Variants in DNM3 observed in about 807,000 individuals in gnomAD.
The protein encoded by DNM3 is dynamin 3.
Under a neutral mutation model 101.6 loss-of-function variants are expected in DNM3, and 47 were observed. That is an observed-to-expected ratio of 0.46 (90% CI 0.37 to 0.59). DNM3 has a LOEUF of 0.59. Among genes scored for constraint, DNM3 ranks in the 20% least tolerant of loss-of-function variants. The pLI is 0.00. For synonymous variants in DNM3, 385 were observed against 387.9 expected, an observed-to-expected ratio of 0.99 and a Z score of 0.09; for missense variants, 849 against 1,085.7, an observed-to-expected ratio of 0.78 and a Z score of 3.06.
At chr1:172,163,464 T>C (rs985547215) in intron 14 of DNM3, among the ~76,000 whole-genome samples, 2 of 152,010 alleles carry the variant, frequency 1.3e-5, no homozygotes, top group African/African-American at 4.8e-5. Context: ...GGTCTCAATC[T>C]CTTGACCTCG....
chr1:172,029,963 T>C (rs952916656), intron 4 of DNM3, among the ~76,000 whole-genome samples: 2 of 152,210 alleles, frequency 1.3e-5, no homozygotes, highest in Admixed American at 1.3e-4. Flanking sequence ...ATCAATATCA[T>C]GAAAATGGCC....
intron 12 of DNM3, among the ~76,000 whole-genome samples, chr1:172,088,150 C>T (rs1018108155): frequency 6.6e-6 from 1 of 152,032 alleles, no homozygotes; most frequent in Non-Finnish European, 1.5e-5. Context: ...GTAGAAATAC[C>T]AAGATTGATG....
intron 14 of DNM3, among the ~76,000 whole-genome samples, chr1:172,236,635 AG>A (rs1399186591): frequency 2.0e-5 from 3 of 152,016 alleles, no homozygotes; most frequent in Non-Finnish European, 4.4e-5. Flanking sequence ...GGGAAGAAGA[AG>A]GGGGTAGAGA....
chr1:172,091,748 C>T (rs1470097009), intron 12 of DNM3, among the ~76,000 whole-genome samples: 2 of 152,044 alleles, frequency 1.3e-5, no homozygotes, highest in South Asian at 2.1e-4. Context: ...TACACGGTTT[C>T]GAGCAGAAGA....
intron 14 of DNM3, among the ~76,000 whole-genome samples, chr1:172,207,038 T>A (rs549131059): frequency 6.6e-6 from 1 of 152,126 alleles, no homozygotes; most frequent in African/African-American, 2.4e-5. Flanking sequence ...TGCTCAGGAT[T>A]TCTTAAGGAG....
intron 17 of DNM3, among the ~76,000 whole-genome samples, chr1:172,331,211 A>G (rs899166072): frequency 2.0e-5 from 3 of 152,126 alleles, no homozygotes; most frequent in Admixed American, 6.6e-5. Flanking sequence ...GTTGACTACT[A>G]TGACTGTGTT....
intron 1 of DNM3, among the ~76,000 whole-genome samples, chr1:171,893,463 T>A (rs2037478819): frequency 6.6e-6 from 1 of 151,900 alleles, no homozygotes; most frequent in South Asian, 2.1e-4. Flanking sequence ...CTTTTTTTTT[T>A]TGTCTTTTGA....
rs1250890857 is a variant in DNM3, at chr1:172,253,488, GTCTCTCCTC to G, written c.1660-82_1660-74del. Reference sequence around the variant, plus strand: ...GATCTTTTATTAAAGTCAATTTTCTGTCTCTCCTCTCCTCTCCTCTCCTCTCCTCTCCTC... The same window carrying G: ...GATCTTTTATTAAAGTCAATTTTCTGTCCTCTCCTCTCCTCTCCTCTCCTC... On this transcript the variant is annotated intron_variant, in intron 14 of 20. Transcript: ENST00000627582. 24 of 843,874 alleles carry G rather than the reference GTCTCTCCTC, an allele frequency of 2.8e-5. No individual in the cohort carries two copies. In the South Asian group the frequency reaches 4.3e-4, roughly 15 times the overall value. 52.3% of individuals were successfully genotyped at this position (843,874 alleles called of 1,614,324 possible).
chr1:172,298,650 G>A (rs1454908851), intron 15 of DNM3, among the ~76,000 whole-genome samples: 1 of 152,100 alleles, frequency 6.6e-6, no homozygotes, highest in Non-Finnish European at 1.5e-5. Flanking sequence ...TTTGAACTGA[G>A]TAAGAAGTGG....
At chr1:172,364,526 C>CA (rs1473888619) in intron 17 of DNM3, among the ~76,000 whole-genome samples, 1 of 150,274 alleles carries the variant, frequency 6.7e-6, no homozygotes, top group Non-Finnish European at 1.5e-5. Flanking sequence ...ATCTATAGGA[C>CA]AAAAAAAAAT....
chr1:172,000,406 C>T (rs971039567), intron 4 of DNM3, among the ~76,000 whole-genome samples: 2 of 152,070 alleles, frequency 1.3e-5, no homozygotes, highest in Non-Finnish European at 2.9e-5. Flanking sequence ...AAAGACAGAG[C>T]ACCCATATTT....
chr1:171,947,683 C>A (rs974131089), intron 2 of DNM3, among the ~76,000 whole-genome samples: 3 of 151,696 alleles, frequency 2.0e-5, no homozygotes, highest in Non-Finnish European at 4.4e-5. Flanking sequence ...TTGCTTTGGC[C>A]CCACCCTGCC....
At chr1:172,155,467 G>A (rs1305364488) in intron 14 of DNM3, among the ~76,000 whole-genome samples, 1 of 152,010 alleles carries the variant, frequency 6.6e-6, no homozygotes, top group Non-Finnish European at 1.5e-5. Context: ...TTAATATGGT[G>A]CTTGTTTGTA....
At chr1:172,396,021 G>A (rs527551530) in intron 20 of DNM3, among the ~76,000 whole-genome samples, 6 of 152,238 alleles carry the variant, frequency 3.9e-5, no homozygotes, top group Admixed American at 6.5e-5. Flanking sequence ...GTCTAAAGCC[G>A]CTAGGTATTT....
Position 172,412,172 on chromosome 1 carries a change from T to C in DNM3, c.*4331T>C. The C allele has an allele frequency of 1.0e-6, 1 of 985,808 alleles. No homozygotes were observed. Among genetic ancestry groups the C allele is most frequent in the Non-Finnish European group, 1.2e-6 (1 of 829,902 alleles). 61.1% of individuals were successfully genotyped at this position (985,808 alleles called of 1,614,324 possible). A position where few individuals can be genotyped will look rare whatever the true frequency, so the allele number is the denominator to read the frequency against. ...TGGTATATTGGTGAGACTTCTCACT[T>C]CTGGTTGGAGGTTTCACATATGGCT... On this transcript the variant is annotated 3_prime_UTR_variant, in exon 21 of 21. Coordinates refer to ENST00000627582, the MANE Select transcript of DNM3 (RefSeq NM_015569.5).
chr1:172,130,242 T>G (rs966945092), intron 13 of DNM3, among the ~76,000 whole-genome samples: 4 of 152,192 alleles, frequency 2.6e-5, no homozygotes, highest in Admixed American at 6.5e-5. Context: ...TGTAGGACAG[T>G]TTTTGACCTT....
chr1:172,283,759 C>CAAAAA (rs769812358), intron 15 of DNM3, among the ~76,000 whole-genome samples: 1 of 40,226 alleles, frequency 2.5e-5, no homozygotes, highest in Non-Finnish European at 6.0e-5. Flanking sequence ...GACTCCATCT[C>CAAAAA]AAAAAAAAAA....
chr1:171,925,101 A>G (rs1278915844), intron 2 of DNM3, among the ~76,000 whole-genome samples: 2 of 149,210 alleles, frequency 1.3e-5, no homozygotes, highest in Non-Finnish European at 3.0e-5. Context: ...GGGTTTCACC[A>G]TGTTGGCCAG....
At chr1:172,163,507 G>GGATTACAGGCGTGA (rs2058627530) in intron 14 of DNM3, among the ~76,000 whole-genome samples, 1 of 152,004 alleles carries the variant, frequency 6.6e-6, no homozygotes, top group African/African-American at 2.4e-5. Context: ...CAAAGTGCTA[G>GGATTACAGGCGTGA]GATTACAGGC....
Sources: allele counts gnomAD v4.1 joint callset (sites outside exome capture counted in the v4.1 genomes callset), GRCh38; gene constraint gnomAD v4.1.1; transcripts MANE v1.5; gene names NCBI Gene and HGNC (gene_info 2026-07-23, HGNC 2026-07-21).